MORC4: variants seen among roughly 807,000 people sequenced by gnomAD.
MORC4 encodes the protein MORC family CW-type zinc finger 4.
MORC4 carries 22 observed loss-of-function variants against 65.5 expected under a neutral mutation model. That is an observed-to-expected ratio of 0.34 (90% CI 0.24 to 0.48). The LOEUF (loss-of-function observed/expected upper bound fraction) is 0.48. Ranked by LOEUF, MORC4 falls within the 20% of genes least tolerant of loss-of-function variation. MORC4 has a pLI of 0.99. For synonymous variants in MORC4, 267 were observed against 255.8 expected (o/e 1.04, Z -0.42); for missense variants, 624 against 703.0 (o/e 0.89, Z 1.27).
At chrX:106,971,301 A>T (rs1934504265) in intron 9 of MORC4, among the ~76,000 whole-genome samples, 1 of 112,163 alleles carries the variant, frequency 8.9e-6, no homozygotes, top group African/African-American at 3.2e-5. Context: ...CTTACACCTT[A>T]TACAAAAATC....
intron 11 of MORC4, among the ~76,000 whole-genome samples, chrX:106,957,981 T>C (rs1569298628): frequency 8.9e-6 from 1 of 112,052 alleles, no homozygotes; most frequent in Non-Finnish European, 1.9e-5. Context: ...CACTGTAAAC[T>C]ATGGTCAACA....
intron 14 of MORC4, among the ~76,000 whole-genome samples, chrX:106,947,741 G>A (rs1321268745): frequency 3.8e-5 from 4 of 104,690 alleles, no homozygotes; most frequent in Non-Finnish European, 7.8e-5. Flanking sequence ...ATATAAAGAG[G>A]GACCTTTCAT....
intron 10 of MORC4, 93 bp from the exon 11 acceptor site, chrX:106,958,557 T>A: frequency 1.4e-6 from 1 of 736,911 alleles, no homozygotes; most frequent in Non-Finnish European, 1.9e-6. Flanking sequence ...AGAAAGAACC[T>A]AATTTCATAT....
chrX:106,989,921 C>T (rs1166368142), intron 3 of MORC4, among the ~76,000 whole-genome samples: 1 of 105,801 alleles, frequency 9.5e-6, no homozygotes, highest in African/African-American at 3.5e-5. Context: ...GGCGTGGTGG[C>T]TCATGCCTGT....
At chrX:106,977,332 T>C (rs1185326493) in intron 8 of MORC4, among the ~76,000 whole-genome samples, 1 of 111,430 alleles carries the variant, frequency 9.0e-6, no homozygotes, top group African/African-American at 3.2e-5. Context: ...GAAAACAAAA[T>C]AGGCTGAAAA....
chrX:106,948,772 C>T (rs1933907546), intron 14 of MORC4, among the ~76,000 whole-genome samples: 1 of 111,470 alleles, frequency 9.0e-6, no homozygotes, highest in Admixed American at 9.5e-5. Flanking sequence ...CTTCTTGTTC[C>T]CATTTTTTTC....
chrX:106,956,715 C>CAG (rs368706300), intron 12 of MORC4, among the ~76,000 whole-genome samples, 181 bp from the exon 13 acceptor site: 53 of 108,051 alleles, frequency 4.9e-4, no homozygotes, highest in East Asian at 1.2e-3. Context: ...AGTGCCCCAC[C>CAG]AGAGAGAGAG....
rs1933711576 is a variant in MORC4, at chrX:106,942,343, C to T, written c.2377-122G>A. The T allele has an allele frequency of 7.5e-6, 7 of 934,086 alleles. No individual in the cohort carries two copies. The Middle Eastern group carries it at 1.1e-3, about 148-fold the overall frequency. The allele number at this position is 934,086 out of a possible 1,213,427, so 77.0% of individuals were successfully genotyped here. A position where few individuals can be genotyped will look rare whatever the true frequency, so the allele number is the denominator to read the frequency against. On this transcript the variant is annotated intron_variant, in intron 15 of 16. Transcript: ENST00000355610. ...CTCTACTTATGGGCCTTTTCAATAC[C>T]CTAAAATGGGCAGGAAGCCTACTAC...
rs772653538 is a variant in MORC4 at position 106,978,245 on chromosome X, C to T, written c.937-46G>A. ...GAGACAAACATACCAGGGGCTTCAACGACAAAATTTTACACCATATTATAG... is the reference window on the plus strand; with the variant it reads ...GAGACAAACATACCAGGGGCTTCAATGACAAAATTTTACACCATATTATAG... On this transcript the variant is annotated intron_variant, in intron 7 of 16. Coordinates refer to ENST00000355610, the MANE Select transcript of MORC4 (RefSeq NM_024657.5). 4.1e-5 allele frequency: 47 copies of T among 1,156,776 alleles called. No homozygotes were observed. The East Asian group carries it at 4.7e-4, about 11-fold the overall frequency.
chrX:106,995,246 C>A (rs1935055809), intron 2 of MORC4, among the ~76,000 whole-genome samples: 1 of 110,002 alleles, frequency 9.1e-6, no homozygotes, highest in African/African-American at 3.3e-5. Flanking sequence ...TTATCTCTCT[C>A]TTTCAATGTT....
At chrX:106,946,144 C>T (rs1036956289) in intron 14 of MORC4, among the ~76,000 whole-genome samples, 3 of 111,242 alleles carry the variant, frequency 2.7e-5, no homozygotes, top group Non-Finnish European at 5.7e-5. Context: ...TTAAGGTATA[C>T]AATTCAACAA....
chrX:106,943,324 A>G (rs944124726), intron 14 of MORC4, 119 bp from the exon 15 acceptor site: 11 of 543,784 alleles, frequency 2.0e-5, no homozygotes, highest in Non-Finnish European at 3.0e-5. Flanking sequence ...TTACCCACAG[A>G]CAAGTCCAGG....
chrX:106,996,190 T>TG (rs1378542463), intron 2 of MORC4, among the ~76,000 whole-genome samples: 1 of 106,913 alleles, frequency 9.4e-6, no homozygotes, highest in African/African-American at 3.4e-5. Context: ...TACTTTTTTT[T>TG]TTTTTTTTTT....
chrX:106,988,022 T>C (rs983327489), intron 3 of MORC4, among the ~76,000 whole-genome samples: 1 of 111,989 alleles, frequency 8.9e-6, no homozygotes, highest in Non-Finnish European at 1.9e-5. Flanking sequence ...TTAAATTATA[T>C]ACTGTATGCA....
At chrX:106,945,218 G>A (rs1325112004) in intron 14 of MORC4, among the ~76,000 whole-genome samples, 1 of 111,399 alleles carries the variant, frequency 9.0e-6, no homozygotes, top group Non-Finnish European at 1.9e-5. Context: ...TGGCTAGTAA[G>A]TATCAGAGCT....
At chrX:106,965,580 G>C (rs1037315056) in intron 9 of MORC4, among the ~76,000 whole-genome samples, 14 of 111,857 alleles carry the variant, frequency 1.3e-4, no homozygotes, top group African/African-American at 4.5e-4. Context: ...CTGGAAGAGG[G>C]GTACTACTAT....
At chrX:106,963,889 C>CAAA (rs112201500) in intron 9 of MORC4, among the ~76,000 whole-genome samples, 1 of 104,381 alleles carries the variant, frequency 9.6e-6, no homozygotes, top group East Asian at 3.1e-4. Flanking sequence ...ACAACAACAA[C>CAAA]AACAAAAAAA....
chrX:106,983,212 A>G lies in MORC4; in HGVS notation c.675-1735T>C, dbSNP rs1215054889. On this transcript the variant is annotated intron_variant, in intron 5 of 16. Coordinates refer to ENST00000355610, the MANE Select transcript of MORC4 (RefSeq NM_024657.5). ...CTAGTACCATATACATAACTGGGAA[A>G]CGACATACAAAGAAAAAGTTCTGTT... Among the ~76,000 whole-genome samples the G allele has an allele frequency of 2.7e-5, 3 of 112,085 alleles. No homozygotes were observed. The Admixed American group carries it at 2.8e-4, about 11-fold the overall frequency.
intron 3 of MORC4, among the ~76,000 whole-genome samples, chrX:106,988,534 T>C (rs1934918932): frequency 8.9e-6 from 1 of 112,015 alleles, no homozygotes; most frequent in Non-Finnish European, 1.9e-5. Context: ...TGCTCTTTTA[T>C]TCCACCTAAG....
Sources: gnomAD v4.1 joint callset for allele counts (sites outside exome capture counted in the v4.1 genomes callset) on GRCh38, gnomAD v4.1.1 for gene constraint, MANE v1.5 for transcripts, NCBI Gene and HGNC (gene_info 2026-07-23, HGNC 2026-07-21) for gene names.